The following POU6F2 variants were observed in gnomAD, a reference collection of about 807,000 sequenced individuals.
POU6F2 encodes the protein POU domain, class 6, transcription factor 2.
POU6F2 carries 31 observed loss-of-function variants against 71.3 expected under a neutral mutation model. That is an observed-to-expected ratio of 0.43 (90% CI 0.33 to 0.59). The LOEUF (loss-of-function observed/expected upper bound fraction) is 0.59, where lower values mean the gene tolerates loss of function less well. Ranked by LOEUF, POU6F2 falls within the 20% of genes least tolerant of loss-of-function variation. The probability of loss-of-function intolerance (pLI) is 0.04; values close to 1 mark genes in which losing one functional copy is unlikely to be tolerated. For synonymous variants in POU6F2, 347 were observed against 355.7 expected (o/e 0.98, Z 0.27); for missense variants, 783 against 856.8 (o/e 0.91, Z 1.07).
chr7:39,068,781 C>T (rs1790812899), intron 1 of POU6F2, among the ~76,000 whole-genome samples: 1 of 152,090 alleles, frequency 6.6e-6, no homozygotes, highest in Admixed American at 6.5e-5. Context: ...TTTGGAAATG[C>T]TGGGAAACTT....
At chr7:39,114,491 TAGA>T (rs1285254769) in intron 2 of POU6F2, among the ~76,000 whole-genome samples, 1 of 152,136 alleles carries the variant, frequency 6.6e-6, no homozygotes, top group African/African-American at 2.4e-5. Context: ...CCATATTTCT[TAGA>T]AGAAAATAAG....
chr7:39,442,869 T>C (rs75115994), intron 7 of POU6F2, among the ~76,000 whole-genome samples: 5,007 of 152,292 alleles, frequency 0.033, 120 homozygotes, highest in Non-Finnish European at 0.049. Context: ...CACTCTCACC[T>C]TGAATTTCAA....
At chr7:39,291,109 A>T (rs1341308726) in intron 4 of POU6F2, among the ~76,000 whole-genome samples, 1 of 151,862 alleles carries the variant, frequency 6.6e-6, no homozygotes, top group Non-Finnish European at 1.5e-5. Context: ...CTGGCTGTGG[A>T]TATAAATTTG....
At chr7:39,224,647 G>A (rs999896946) in intron 4 of POU6F2, among the ~76,000 whole-genome samples, 4 of 152,090 alleles carry the variant, frequency 2.6e-5, no homozygotes, top group African/African-American at 9.7e-5. Flanking sequence ...TGGTCAAAAG[G>A]GTGATAATAT....
intron 4 of POU6F2, among the ~76,000 whole-genome samples, chr7:39,312,192 A>G (rs1785179040): frequency 6.6e-6 from 1 of 151,632 alleles, no homozygotes; most frequent in Non-Finnish European, 1.5e-5. Context: ...GAAAAAAGAA[A>G]AAAAAAACAC....
At chr7:39,009,757 T>C (rs1015789085) in intron 1 of POU6F2, among the ~76,000 whole-genome samples, 6 of 151,434 alleles carry the variant, frequency 4.0e-5, no homozygotes, top group African/African-American at 7.3e-5. Context: ...TGTCAAAGGC[T>C]TTTTCTGCAT....
At chr7:39,223,142 T>C (rs1316760358) in intron 4 of POU6F2, among the ~76,000 whole-genome samples, 2 of 152,190 alleles carry the variant, frequency 1.3e-5, no homozygotes, top group African/African-American at 4.8e-5. Flanking sequence ...TGAAGTGATA[T>C]CTCATTATGG....
intron 4 of POU6F2, among the ~76,000 whole-genome samples, chr7:39,312,831 AG>A (rs2128767298): frequency 6.6e-6 from 1 of 152,316 alleles, no homozygotes; most frequent in East Asian, 1.9e-4. Context: ...TGCTGGACAA[AG>A]GGTTGCTTCA....
At chr7:39,399,120 C>G (rs1479519268) in intron 5 of POU6F2, among the ~76,000 whole-genome samples, 1 of 152,156 alleles carries the variant, frequency 6.6e-6, no homozygotes, top group Non-Finnish European at 1.5e-5. Context: ...CTCTAAACCA[C>G]CACCCCTTCT....
chr7:39,199,773 T>G (rs1456528113), intron 2 of POU6F2, among the ~76,000 whole-genome samples: 1 of 152,166 alleles, frequency 6.6e-6, no homozygotes, highest in Non-Finnish European at 1.5e-5. Context: ...AGTGAACAAA[T>G]GCCCTCTGAC....
chr7:39,229,439 C>G (rs1414278185), intron 4 of POU6F2, among the ~76,000 whole-genome samples: 22 of 152,212 alleles, frequency 1.4e-4, no homozygotes, highest in Admixed American at 1.4e-3. Flanking sequence ...TAAACCTCCT[C>G]TAGAGAAAAG....
intron 1 of POU6F2, among the ~76,000 whole-genome samples, chr7:39,029,501 G>A (rs1789891241): frequency 6.6e-6 from 1 of 151,514 alleles, no homozygotes; most frequent in Non-Finnish European, 1.5e-5. Context: ...GGAGGGGGGG[G>A]TGGATGATGA....
At chr7:39,389,080 G>T (rs1170948241) in intron 5 of POU6F2, among the ~76,000 whole-genome samples, 1 of 152,062 alleles carries the variant, frequency 6.6e-6, no homozygotes, top group Non-Finnish European at 1.5e-5. Context: ...ATCTGTATTG[G>T]TCATAGTGTT....
intron 9 of POU6F2, among the ~76,000 whole-genome samples, chr7:39,463,279 G>T (rs572533580): frequency 3.9e-5 from 6 of 152,230 alleles, no homozygotes; most frequent in Non-Finnish European, 7.3e-5. Context: ...TAAAGTCAAT[G>T]TAGCAAAGAA....
intron 2 of POU6F2, among the ~76,000 whole-genome samples, chr7:39,098,289 T>G (rs1336981257): frequency 6.6e-6 from 1 of 152,104 alleles, no homozygotes; most frequent in East Asian, 1.9e-4. Flanking sequence ...ATTTTTATTA[T>G]TTTTCTGAGA....
intron 4 of POU6F2, among the ~76,000 whole-genome samples, chr7:39,296,262 G>A (rs934201773): frequency 6.6e-6 from 1 of 152,088 alleles, no homozygotes; most frequent in Admixed American, 6.5e-5. Context: ...AATTATTTAT[G>A]AGAACTCTAA....
At chr7:38,989,659 C>T (rs934705930) in intron 1 of POU6F2, among the ~76,000 whole-genome samples, 1 of 151,982 alleles carries the variant, frequency 6.6e-6, no homozygotes, top group African/African-American at 2.4e-5. Context: ...CTTTAACTCT[C>T]ATTTCTGCAT....
chr7:39,301,236 A>C (rs1267899219), intron 4 of POU6F2, among the ~76,000 whole-genome samples: 1 of 152,188 alleles, frequency 6.6e-6, no homozygotes, highest in East Asian at 1.9e-4. Context: ...CAGCATCAGG[A>C]AGAAATGATG....
chr7:39,461,369 G>T (rs1327160268), intron 9 of POU6F2, among the ~76,000 whole-genome samples: 1 of 152,186 alleles, frequency 6.6e-6, no homozygotes, highest in African/African-American at 2.4e-5. Flanking sequence ...TGTTCAAGTT[G>T]ATCCGGGTTA....
Sources: allele counts gnomAD v4.1 joint callset (sites outside exome capture counted in the v4.1 genomes callset), GRCh38; gene constraint gnomAD v4.1.1; transcripts MANE v1.5; gene names NCBI Gene and HGNC (gene_info 2026-07-23, HGNC 2026-07-21).